ABCC9: variants seen among roughly 807,000 people sequenced by gnomAD.
ABCC9 encodes ATP binding cassette subfamily C member 9.
In ABCC9, 95 loss-of-function variants were observed where a neutral mutation model predicts 188.3. The ratio of observed to expected loss-of-function variants is 0.50; its 90% CI spans 0.43 to 0.60. ABCC9 has a LOEUF of 0.60. Ranked by LOEUF, ABCC9 falls within the 20% of genes least tolerant of loss-of-function variation. ABCC9 has a pLI of 0.00. For missense variants in ABCC9, 1,102 were observed against 1,876.3 expected (o/e 0.59, Z 7.62); for synonymous variants, 659 against 652.7 (o/e 1.01, Z -0.15).
chr12:21,821,910 A>G (rs1303526152), intron 31 of ABCC9, among the ~76,000 whole-genome samples: 1 of 152,156 alleles, frequency 6.6e-6, no homozygotes, highest in Non-Finnish European at 1.5e-5. Context: ...CACGTGGTTA[A>G]TGTTTTCAAA....
chr12:21,883,865 A>T (rs1383943464), intron 15 of ABCC9, among the ~76,000 whole-genome samples: 1 of 152,178 alleles, frequency 6.6e-6, no homozygotes. Context: ...ATGCCAGCTG[A>T]GTTGTGACAG....
At chr12:21,839,803 C>T (rs1944287222) in intron 29 of ABCC9, among the ~76,000 whole-genome samples, 1 of 152,072 alleles carries the variant, frequency 6.6e-6, no homozygotes, top group African/African-American at 2.4e-5. Flanking sequence ...TAGTCTAGTT[C>T]CCAAAACAAA....
At chr12:21,876,398 T>G (rs919169514) in intron 16 of ABCC9, among the ~76,000 whole-genome samples, 6 of 152,276 alleles carry the variant, frequency 3.9e-5, no homozygotes, top group Non-Finnish European at 8.8e-5. Context: ...AACCACAAAT[T>G]ATTCCAGCAA....
intron 17 of ABCC9, among the ~76,000 whole-genome samples, chr12:21,874,635 A>G (rs1946250318): frequency 3.3e-5 from 5 of 152,196 alleles, no homozygotes; most frequent in Admixed American, 2.6e-4. Flanking sequence ...ATGAATGAAT[A>G]AAGAAAATGT....
At chr12:21,881,459 GTCTC>G (rs1485199600) in intron 16 of ABCC9, among the ~76,000 whole-genome samples, 1 of 152,028 alleles carries the variant, frequency 6.6e-6, no homozygotes, top group Non-Finnish European at 1.5e-5. Flanking sequence ...ATTCATAATA[GTCTC>G]TCTTTTCTTT....
intron 22 of ABCC9, among the ~76,000 whole-genome samples, chr12:21,858,000 C>T (rs944144069): frequency 1.3e-5 from 2 of 152,070 alleles, no homozygotes; most frequent in South Asian, 2.1e-4. Flanking sequence ...GGAGAGTCAT[C>T]GAGAAGCTGT....
intron 5 of ABCC9, among the ~76,000 whole-genome samples, chr12:21,921,273 G>T (rs944105136): frequency 3.3e-5 from 5 of 152,056 alleles, no homozygotes; most frequent in Non-Finnish European, 7.4e-5. Context: ...TTTAACTGGA[G>T]TGAGATGATA....
At chr12:21,891,859 A>C (rs1947175701) in intron 14 of ABCC9, among the ~76,000 whole-genome samples, 1 of 152,184 alleles carries the variant, frequency 6.6e-6, no homozygotes, top group Admixed American at 6.5e-5. Context: ...ACTGGCACTA[A>C]AGGTTGGTCA....
rs749749700 is a variant in ABCC9 at position 21,799,230 on chromosome 12, T to G, written c.*1814A>C. On this transcript the variant is annotated 3_prime_UTR_variant, in exon 40 of 40. Transcript: ENST00000261200. ...ACCTGCACAATGTGCACATGTACCC[T>G]AAAACTTAAAGTATATTAAAAAAAA... The G allele has an allele frequency of 7.6e-6, 1 of 131,124 alleles. No individual in the cohort carries two copies. Among genetic ancestry groups the G allele is most frequent in the Non-Finnish European group, 1.6e-5 (1 of 61,834 alleles). 8.1% of individuals were successfully genotyped at this position (131,124 alleles called of 1,614,324 possible).
At chr12:21,916,045 T>C in intron 6 of ABCC9, 135 bp from the exon 7 acceptor site, 1 of 828,018 alleles carries the variant, frequency 1.2e-6, no homozygotes, top group Non-Finnish European at 1.8e-6. Flanking sequence ...TTCCATCCCT[T>C]TCTGAAATAT....
At chr12:21,818,060 T>C in intron 32 of ABCC9, 90 bp downstream of exon 32, 1 of 772,380 alleles carries the variant, frequency 1.3e-6, no homozygotes, top group Non-Finnish European at 2.1e-6. Context: ...CTCTCTGTGC[T>C]CATGTGTTCT....
chr12:21,928,892 T>TA (rs1204535868), intron 4 of ABCC9, among the ~76,000 whole-genome samples: 2 of 152,334 alleles, frequency 1.3e-5, no homozygotes, highest in Non-Finnish European at 2.9e-5. Flanking sequence ...CTATGTTCTT[T>TA]TTAGAGTATG....
At chr12:21,900,054 A>G (rs1247686244) in intron 12 of ABCC9, among the ~76,000 whole-genome samples, 1 of 152,030 alleles carries the variant, frequency 6.6e-6, no homozygotes, top group Admixed American at 6.6e-5. Context: ...ACTGGGAGGC[A>G]CCCCCAGTAG....
At position 21,925,925 on chromosome 12, in the gene ABCC9, A is replaced by G; in HGVS notation, c.406+17T>C. ...AATATCTCTTTAAGGAGAAACAACA[A>G]AAGTGATCATACTTACCTAAAAGTA... On this transcript the variant is annotated intron_variant, in intron 5 of 39. Transcript: ENST00000261200. The G allele has an allele frequency of 6.2e-7, 1 of 1,605,480 alleles. No homozygotes were observed. Among genetic ancestry groups the G allele is most frequent in the South Asian group, 1.1e-5 (1 of 90,780 alleles).
At chr12:21,850,767 A>C (rs1406617779) in intron 24 of ABCC9, among the ~76,000 whole-genome samples, 2 of 152,100 alleles carry the variant, frequency 1.3e-5, no homozygotes, top group African/African-American at 4.8e-5. Flanking sequence ...CACTGAAAAA[A>C]ATGTCATTTG....
chr12:21,848,037 T>C (rs2137412709), intron 25 of ABCC9, 113 bp downstream of exon 25: 1 of 879,008 alleles, frequency 1.1e-6, no homozygotes, highest in South Asian at 1.4e-5. Flanking sequence ...CTTGATTTAA[T>C]TTTTTCCCCT....
At chr12:21,865,007 T>C (rs999695701) in intron 18 of ABCC9, among the ~76,000 whole-genome samples, 5 of 152,166 alleles carry the variant, frequency 3.3e-5, no homozygotes, top group Admixed American at 6.6e-5. Context: ...CCAAACTACA[T>C]CTAAGTAGAA....
intron 10 of ABCC9, among the ~76,000 whole-genome samples, chr12:21,908,702 A>G (rs998000075): frequency 3.3e-5 from 5 of 151,998 alleles, no homozygotes; most frequent in Non-Finnish European, 7.4e-5. Flanking sequence ...TGTGGACTAA[A>G]GGAATGAGCT....
chr12:21,925,885 T>C (rs1245520851), intron 5 of ABCC9, 57 bp downstream of exon 5: 3 of 1,558,284 alleles, frequency 1.9e-6, no homozygotes, highest in Middle Eastern at 1.8e-4. Flanking sequence ...AAATAACCCT[T>C]TGGGGGGAAA....
Sources: allele counts gnomAD v4.1 joint callset (sites outside exome capture counted in the v4.1 genomes callset), GRCh38; gene constraint gnomAD v4.1.1; transcripts MANE v1.5; gene names NCBI Gene and HGNC (gene_info 2026-07-23, HGNC 2026-07-21).